NAV2: variants seen among roughly 807,000 people sequenced by gnomAD.
NAV2 encodes the protein helicase, APC down-regulated 1.
NAV2 carries 54 observed loss-of-function variants against 223.2 expected under a neutral mutation model. The observed-to-expected ratio is 0.24, with a 90% CI of 0.19 to 0.30. The LOEUF is 0.30. Among genes scored for constraint, NAV2 ranks in the 10% least tolerant of loss-of-function variants. The pLI, the probability that NAV2 is intolerant of heterozygous loss-of-function variation, is 1.00. For synonymous variants in NAV2, 1,279 were observed against 1,239.3 expected, an observed-to-expected ratio of 1.03 and a Z score of -0.67; for missense variants, 2,806 against 3,147.5, an observed-to-expected ratio of 0.89 and a Z score of 2.60.
chr11:19,497,378 A>G (rs2042829707), intron 1 of NAV2, among the ~76,000 whole-genome samples: 1 of 152,208 alleles, frequency 6.6e-6, no homozygotes, highest in Admixed American at 6.5e-5. Flanking sequence ...TCTCCCCTTC[A>G]TCTGGGATTT....
intron 1 of NAV2, among the ~76,000 whole-genome samples, chr11:19,484,670 C>G (rs905252652): frequency 6.6e-6 from 1 of 152,218 alleles, no homozygotes; most frequent in Non-Finnish European, 1.5e-5. Context: ...GACCCAGACC[C>G]CTTCCTCATC....
chr11:19,927,584 A>G (rs1016733220), intron 6 of NAV2, among the ~76,000 whole-genome samples: 35 of 152,250 alleles, frequency 2.3e-4, no homozygotes, highest in African/African-American at 8.2e-4. Context: ...ATAATAAAAT[A>G]AATAAAATAG....
intron 8 of NAV2, among the ~76,000 whole-genome samples, chr11:19,945,153 C>CTCCCTTCCCTTCCCTTCCCTTCCCT (rs755938941): frequency 0.011 from 1,070 of 94,698 alleles, 5 homozygotes; most frequent in Admixed American, 0.016. Flanking sequence ...TTCTTTCTGT[C>CTCCCTTCCCTTCCCTTCCCTTCCCT]TCCCTTCCCT....
chr11:19,890,909 C>T (rs1417388854), intron 5 of NAV2, among the ~76,000 whole-genome samples: 1 of 152,196 alleles, frequency 6.6e-6, no homozygotes, highest in Non-Finnish European at 1.5e-5. Flanking sequence ...GGTAAATTAA[C>T]CAAGGTACAA....
intron 6 of NAV2, among the ~76,000 whole-genome samples, chr11:19,924,349 G>T (rs186389490): frequency 1.4e-3 from 215 of 149,216 alleles, no homozygotes; most frequent in Admixed American, 2.3e-3. Flanking sequence ...GCAGACAAAT[G>T]AATTACCTCA....
At chr11:19,922,953 T>C (rs906407109) in intron 6 of NAV2, among the ~76,000 whole-genome samples, 1 of 152,242 alleles carries the variant, frequency 6.6e-6, no homozygotes, top group African/African-American at 2.4e-5. Flanking sequence ...GAAATCTTTT[T>C]AGGCATACTT....
chr11:19,666,766 G>T (rs769964855), intron 1 of NAV2, among the ~76,000 whole-genome samples: 1 of 151,920 alleles, frequency 6.6e-6, no homozygotes, highest in Non-Finnish European at 1.5e-5. Flanking sequence ...CCACCTTCAC[G>T]TTTATCTAGC....
intron 1 of NAV2, among the ~76,000 whole-genome samples, chr11:19,636,921 C>T (rs2047518421): frequency 6.6e-6 from 1 of 152,198 alleles, no homozygotes; most frequent in Admixed American, 6.5e-5. Context: ...TGAGTTTCCT[C>T]TTAAAAGAAA....
intron 1 of NAV2, among the ~76,000 whole-genome samples, chr11:19,764,775 C>G (rs1271893504): frequency 2.6e-5 from 4 of 152,114 alleles, no homozygotes; most frequent in African/African-American, 9.7e-5. Flanking sequence ...TGGTCATGCC[C>G]AAACTGGAAC....
intron 36 of NAV2, among the ~76,000 whole-genome samples, chr11:20,109,625 G>A (rs1277621880): frequency 6.6e-6 from 1 of 152,214 alleles, no homozygotes; most frequent in African/African-American, 2.4e-5. Context: ...CTTCCAGGGA[G>A]TGTGATATGC....
chr11:19,642,727 G>A (rs2047700603), intron 1 of NAV2, among the ~76,000 whole-genome samples: 1 of 152,100 alleles, frequency 6.6e-6, no homozygotes, highest in African/African-American at 2.4e-5. Context: ...GAGGGGGGCT[G>A]GATTGCAAAG....
At chr11:20,078,793 G>C (rs2059917860) in intron 24 of NAV2, among the ~76,000 whole-genome samples, 1 of 152,168 alleles carries the variant, frequency 6.6e-6, no homozygotes, top group Non-Finnish European at 1.5e-5. Flanking sequence ...TTTTGTCCTT[G>C]TGTATCTTGG....
intron 2 of NAV2, among the ~76,000 whole-genome samples, chr11:19,838,411 C>G (rs2060343787): frequency 6.6e-6 from 1 of 152,066 alleles, no homozygotes; most frequent in South Asian, 2.1e-4. Context: ...ACAGGCAAAG[C>G]AGTCAGGGAG....
At chr11:19,716,995 G>A (rs1420274019) in intron 1 of NAV2, among the ~76,000 whole-genome samples, 4 of 152,256 alleles carry the variant, frequency 2.6e-5, no homozygotes, top group South Asian at 4.1e-4. Flanking sequence ...GGGCAGTCTG[G>A]CACTAGATCC....
intron 1 of NAV2, among the ~76,000 whole-genome samples, chr11:19,522,685 C>T (rs1427783502): frequency 6.6e-6 from 1 of 152,202 alleles, no homozygotes; most frequent in East Asian, 1.9e-4. Context: ...CCTTTCTTCA[C>T]TGTGATACAA....
intron 6 of NAV2, among the ~76,000 whole-genome samples, chr11:19,902,707 C>A (rs2042549716): frequency 6.6e-6 from 1 of 152,162 alleles, no homozygotes; most frequent in South Asian, 2.1e-4. Context: ...GAAGTATTTA[C>A]CTTTCTGGGT....
intron 11 of NAV2, among the ~76,000 whole-genome samples, chr11:20,029,564 T>C (rs909503972): frequency 1.3e-5 from 2 of 152,202 alleles, no homozygotes; most frequent in Non-Finnish European, 2.9e-5. Flanking sequence ...GCTATGTTCT[T>C]GTCTGTTATG....
chr11:19,700,754 A>G (rs2049488137), intron 1 of NAV2, among the ~76,000 whole-genome samples: 1 of 152,230 alleles, frequency 6.6e-6, no homozygotes, highest in Admixed American at 6.5e-5. Flanking sequence ...CTTACCTGCT[A>G]ACATAGCACT....
chr11:19,664,819 T>C lies in NAV2; in HGVS notation c.76-167665T>C, dbSNP rs958228149. Among the ~76,000 whole-genome samples, 18 of 152,332 alleles carry C rather than the reference T, an allele frequency of 1.2e-4. 1 individual carries two copies. Among genetic ancestry groups the C allele is most frequent in the Admixed American group, 1.2e-3 (18 of 15,302 alleles). ...AGGAGAGGAAATGGAAGAACATGTA[T>C]TGAACACCTACTATGTGTTTGCAAT... On this transcript the variant is annotated intron_variant, in intron 1 of 37. Coordinates refer to the NAV2 transcript ENST00000360655.
Sources: gnomAD v4.1 joint callset for allele counts (sites outside exome capture counted in the v4.1 genomes callset) on GRCh38, gnomAD v4.1.1 for gene constraint, MANE v1.5 for transcripts, NCBI Gene and HGNC (gene_info 2026-07-23, HGNC 2026-07-21) for gene names.